Variants in CACNA1D observed in about 807,000 individuals in gnomAD.
The protein encoded by CACNA1D is calcium voltage-gated channel subunit alpha1 D.
CACNA1D carries 55 observed loss-of-function variants against 257.1 expected under a neutral mutation model. The ratio of observed to expected loss-of-function variants is 0.21; its 90% CI spans 0.17 to 0.27. CACNA1D has a LOEUF of 0.27. Among genes scored for constraint, CACNA1D ranks in the 10% least tolerant of loss-of-function variants. The pLI is 1.00. For missense variants in CACNA1D, 1,876 were observed against 2,784.0 expected (o/e 0.67, Z 7.34); for synonymous variants, 980 against 1,014.9 (o/e 0.97, Z 0.65).
intron 3 of CACNA1D, among the ~76,000 whole-genome samples, chr3:53,635,924 G>A (rs1182344352): frequency 6.6e-6 from 1 of 152,176 alleles, no homozygotes; most frequent in African/African-American, 2.4e-5. Context: ...CGTTTCCTTA[G>A]CTGGAGAGAC....
At chr3:53,534,195 C>T (rs538657575) in intron 3 of CACNA1D, among the ~76,000 whole-genome samples, 3 of 152,300 alleles carry the variant, frequency 2.0e-5, no homozygotes, top group East Asian at 1.9e-4. Flanking sequence ...CTCCCAGGGA[C>T]GCCTGAGTTA....
intron 3 of CACNA1D, among the ~76,000 whole-genome samples, chr3:53,577,039 G>A (rs1034539023): frequency 1.3e-4 from 20 of 152,140 alleles, no homozygotes; most frequent in Admixed American, 3.3e-4. Flanking sequence ...AGGGGCAATC[G>A]GAGCTGTAGA....
chr3:53,553,986 G>A (rs1056059395), intron 3 of CACNA1D, among the ~76,000 whole-genome samples: 1 of 151,898 alleles, frequency 6.6e-6, no homozygotes, highest in Admixed American at 6.6e-5. Flanking sequence ...CATGAGGTCA[G>A]GAGATGGAGA....
In CACNA1D at chr3:53,665,757, A is replaced by G. The variant is rs759782011; in HGVS notation, c.864A>G (p.Ile288Met). The change falls in exon 6 of 48, where the codon ATA (isoleucine) becomes ATG (methionine). Residue 288 changes from isoleucine (I) to methionine (M), a missense_variant. Coordinates refer to ENST00000350061, the MANE Select transcript of CACNA1D (RefSeq NM_001128840.3). ...TTGTAATCATAATCTATGCTATTATAGGATTGGAACTTTTTATTGGAAAAA... is the reference window on the plus strand; with the variant it reads ...TTGTAATCATAATCTATGCTATTATGGGATTGGAACTTTTTATTGGAAAAA... ...VLFVIIIYAIIGLELFIGKMH... is the reference protein window; with the variant it reads ...VLFVIIIYAIMGLELFIGKMH... 6.2e-7 allele frequency: 1 copy of G among 1,610,346 alleles called. No individual in the cohort carries two copies. Among genetic ancestry groups the G allele is most frequent in the South Asian group, 1.1e-5 (1 of 90,924 alleles).
intron 42 of CACNA1D, among the ~76,000 whole-genome samples, chr3:53,801,815 C>T (rs1012243086): frequency 1.3e-5 from 2 of 152,190 alleles, no homozygotes; most frequent in East Asian, 1.9e-4. Context: ...TCAGCTCTGC[C>T]GTTGCAGTGT....
At chr3:53,622,080 C>G (rs2093702856) in intron 3 of CACNA1D, among the ~76,000 whole-genome samples, 1 of 151,830 alleles carries the variant, frequency 6.6e-6, no homozygotes, top group South Asian at 2.1e-4. Context: ...CAGAGTCTCA[C>G]TCTGTCACCC....
chr3:53,514,102 C>T (rs1343373775), intron 3 of CACNA1D, among the ~76,000 whole-genome samples: 1 of 152,018 alleles, frequency 6.6e-6, no homozygotes, highest in Non-Finnish European at 1.5e-5. Flanking sequence ...TACCATAAAC[C>T]CACAAGGGAG....
intron 31 of CACNA1D, 27 bp downstream of exon 31, chr3:53,770,044 G>C: frequency 6.3e-7 from 1 of 1,589,130 alleles, no homozygotes; most frequent in Non-Finnish European, 8.6e-7. Context: ...GTCCCCAGGG[G>C]CTGGGCCTTT....
At chr3:53,804,518 G>A (rs891309113) in intron 44 of CACNA1D, among the ~76,000 whole-genome samples, 6 of 152,080 alleles carry the variant, frequency 3.9e-5, no homozygotes, top group South Asian at 2.1e-4. Context: ...AAAACCTCAC[G>A]AACCGCATGA....
intron 29 of CACNA1D, among the ~76,000 whole-genome samples, chr3:53,760,534 G>A (rs2095295176): frequency 6.6e-6 from 1 of 152,174 alleles, no homozygotes; most frequent in Non-Finnish European, 1.5e-5. Flanking sequence ...TTTATAGACA[G>A]AGCTGTTGAT....
chr3:53,710,087 C>G (rs1346031452), intron 9 of CACNA1D, among the ~76,000 whole-genome samples: 2 of 152,158 alleles, frequency 1.3e-5, no homozygotes, highest in African/African-American at 2.4e-5. Flanking sequence ...CCCTAAAGTG[C>G]CTTTTCCTTA....
intron 3 of CACNA1D, among the ~76,000 whole-genome samples, chr3:53,642,941 G>A (rs914273910): frequency 2.0e-5 from 3 of 152,204 alleles, no homozygotes; most frequent in Admixed American, 6.5e-5. Context: ...GTGCTTTATA[G>A]TTTGCACAGC....
chr3:53,498,774 G>A (rs1459048576), intron 2 of CACNA1D, among the ~76,000 whole-genome samples: 3 of 152,216 alleles, frequency 2.0e-5, no homozygotes, highest in African/African-American at 7.2e-5. Context: ...TGAGGTAACT[G>A]TCTAGAAAGA....
At chr3:53,776,499 C>T in intron 35 of CACNA1D, 104 bp from the exon 36 acceptor site, 2 of 1,364,990 alleles carry the variant, frequency 1.5e-6, no homozygotes, top group Non-Finnish European at 2.1e-6. Flanking sequence ...CTCTTGGAGA[C>T]ATGGGTTCCC....
At position 53,497,467 on chromosome 3, in the gene CACNA1D, C is replaced by CT. The variant is rs1166056252; in HGVS notation, c.377+13dup. ...ATTAGTATAGTGGAATGGAAGTATC[C>CT]TTTTTTTGGGGGAAGTCTTTCTCAT... On this transcript the variant is annotated splice_region_variant and intron_variant, in intron 2 of 47. Transcript: ENST00000350061. 1.2e-6 allele frequency: 2 copies of CT among 1,613,200 alleles called. No homozygotes were observed. The highest frequency in any genetic ancestry group is 8.5e-7 in the Non-Finnish European group (1 of 1,179,252).
intron 3 of CACNA1D, among the ~76,000 whole-genome samples, chr3:53,513,008 G>A (rs562278013): frequency 5.3e-5 from 8 of 152,322 alleles, no homozygotes; most frequent in Admixed American, 1.3e-4. Context: ...ACAGGCCAGC[G>A]GATGTAGTAG....
intron 9 of CACNA1D, among the ~76,000 whole-genome samples, chr3:53,711,254 A>G (rs1205565239): frequency 2.0e-5 from 3 of 152,240 alleles, no homozygotes; most frequent in Non-Finnish European, 4.4e-5. Flanking sequence ...CTCTTAAAAA[A>G]TCAAAATAAA....
At position 53,776,965 on chromosome 3, in the gene CACNA1D, C is replaced by T; in HGVS notation, c.4587+9C>T. ...ACAGGGTAGCGTGCAAGGTGAGTGT[C>T]CTGTGTGCGTGTCTGACAGCCTGTC... On this transcript the variant is annotated intron_variant, in intron 37 of 47. Coordinates refer to ENST00000350061, the MANE Select transcript of CACNA1D (RefSeq NM_001128840.3). 1 of 1,598,912 alleles carries T rather than the reference C, an allele frequency of 6.3e-7. No individual in the cohort carries two copies. Among genetic ancestry groups the T allele is most frequent in the Non-Finnish European group, 8.6e-7 (1 of 1,166,280 alleles).
At chr3:53,547,651 A>G (rs1235150391) in intron 3 of CACNA1D, among the ~76,000 whole-genome samples, 1 of 152,204 alleles carries the variant, frequency 6.6e-6, no homozygotes, top group Admixed American at 6.5e-5. Flanking sequence ...GAAACGAGGC[A>G]GGGAAGTTTC....
Sources: gnomAD v4.1 joint callset for allele counts (sites outside exome capture counted in the v4.1 genomes callset) on GRCh38, gnomAD v4.1.1 for gene constraint, MANE v1.5 for transcripts, NCBI Gene and HGNC (gene_info 2026-07-23, HGNC 2026-07-21) for gene names.